The following SEMA3D variants were observed in gnomAD, a reference collection of about 807,000 sequenced individuals.
SEMA3D encodes the protein semaphorin 3D, also known as semaphorin-3D.
In SEMA3D, 84 loss-of-function variants were observed where a neutral mutation model predicts 100.1. That is an observed-to-expected ratio of 0.84 (90% confidence interval 0.70 to 1.01). The LOEUF (loss-of-function observed/expected upper bound fraction) is 1.01, where lower values mean the gene tolerates loss of function less well. Ranked by LOEUF, SEMA3D falls within the 50% of genes least tolerant of loss-of-function variation. The pLI is 0.00. For missense variants in SEMA3D, 875 were observed against 934.1 expected, an observed-to-expected ratio of 0.94 and a Z score of 0.82; for synonymous variants, 312 against 320.7, an observed-to-expected ratio of 0.97 and a Z score of 0.29.
At chr7:85,200,771 C>A in the SEMA3D span, among the ~76,000 whole-genome samples, 1 of 152,170 alleles carries the variant, frequency 6.6e-6, no homozygotes, top group African/African-American at 2.4e-5. Flanking sequence ...CCTCCCATCA[C>A]AGGCCAGGAG....
At chr7:85,067,878 A>G (rs1044751065) in intron 7 of SEMA3D, among the ~76,000 whole-genome samples, 1 of 152,180 alleles carries the variant, frequency 6.6e-6, no homozygotes, top group African/African-American at 2.4e-5. Flanking sequence ...GGGAGATATT[A>G]CAACATAAGA....
rs1790220808 is a variant in SEMA3D, at chr7:85,020,341, A to G, written c.1415-20T>C. The G allele has an allele frequency of 1.9e-6, 3 of 1,572,636 alleles. No homozygotes were observed. Among genetic ancestry groups the G allele is most frequent in the Middle Eastern group, 1.7e-4 (1 of 5,964 alleles). On this transcript the variant is annotated intron_variant, in intron 13 of 18. Transcript: ENST00000284136. ...CAATGTCTGAAAAAATGCATAACCCATGATCCCATTGTTTCTATCTCAAAA... is the reference window on the plus strand; with the variant it reads ...CAATGTCTGAAAAAATGCATAACCCGTGATCCCATTGTTTCTATCTCAAAA...
At chr7:85,021,731 A>G (rs551173349) in intron 13 of SEMA3D, among the ~76,000 whole-genome samples, 135 of 151,970 alleles carry the variant, frequency 8.9e-4, no homozygotes, top group African/African-American at 3.1e-3. Flanking sequence ...TTTTAATGAT[A>G]CATGTTATCT....
At position 84,999,556 on chromosome 7, in the gene SEMA3D, G is replaced by A. The variant is rs780714267; in HGVS notation, c.2218C>T (p.Arg740Trp). ...YCEQMWHREK[R>W]RQRNKGGPKW... Reference sequence around the variant, plus strand: ...GGGCCCCCCTTGTTTCTCTGTCTCCGCTTCTCCCTGTGCCACATCTGTTCG... The same window carrying A: ...GGGCCCCCCTTGTTTCTCTGTCTCCACTTCTCCCTGTGCCACATCTGTTCG... The change falls in exon 19 of 19, where the codon CGG becomes TGG. Residue 740 changes from arginine (R) to tryptophan (W), a missense_variant. Physicochemically the swap from Arg to Trp is moderately radical, Grantham distance 101. Transcript: ENST00000284136. The A allele has an allele frequency of 8.7e-6, 14 of 1,613,980 alleles. No individual in the cohort carries two copies. The highest frequency in any genetic ancestry group is 2.2e-5 in the South Asian group (2 of 91,076).
the SEMA3D span, among the ~76,000 whole-genome samples, chr7:85,234,681 T>C: frequency 6.6e-6 from 1 of 152,194 alleles, no homozygotes; most frequent in Non-Finnish European, 1.5e-5. Context: ...AGATATCCAG[T>C]GTAAAATTAG....
At chr7:85,169,050 A>G (rs900385273) in intron 1 of SEMA3D, among the ~76,000 whole-genome samples, 1 of 151,572 alleles carries the variant, frequency 6.6e-6, no homozygotes, top group African/African-American at 2.4e-5. Flanking sequence ...ATTAGATAAA[A>G]AATATTTTAT....
chr7:85,232,110 G>A, the SEMA3D span, among the ~76,000 whole-genome samples: 2 of 152,136 alleles, frequency 1.3e-5, no homozygotes, highest in Admixed American at 6.5e-5. Context: ...AGGCAGGAGT[G>A]TTGGCTACGA....
intron 1 of SEMA3D, chr7:85,181,685 C>T: frequency 1.8e-6 from 1 of 549,682 alleles, no homozygotes; most frequent in Non-Finnish European, 2.3e-6. Context: ...CCAAAGAGTA[C>T]AGCATGGAAA....
At chr7:85,130,744 C>T (rs1244436739) in intron 2 of SEMA3D, among the ~76,000 whole-genome samples, 3 of 152,072 alleles carry the variant, frequency 2.0e-5, no homozygotes, top group Admixed American at 6.6e-5. Context: ...ATTATTTGTA[C>T]CTTATATGAC....
At chr7:85,085,462 C>T (rs765587130) in intron 4 of SEMA3D, among the ~76,000 whole-genome samples, 6 of 152,140 alleles carry the variant, frequency 3.9e-5, no homozygotes, top group Non-Finnish European at 8.8e-5. Context: ...TGTGGAAGCA[C>T]TCTTTATATC....
the SEMA3D span, among the ~76,000 whole-genome samples, chr7:85,243,455 G>A: frequency 2.6e-5 from 4 of 152,116 alleles, no homozygotes; most frequent in African/African-American, 7.2e-5. Context: ...TCGTCTAGAG[G>A]TGTCCGTTTG....
intron 9 of SEMA3D, among the ~76,000 whole-genome samples, chr7:85,042,932 C>T (rs1298124799): frequency 6.6e-6 from 1 of 152,098 alleles, no homozygotes; most frequent in Non-Finnish European, 1.5e-5. Context: ...AATGCTGGTA[C>T]TGGCTTGTAT....
chr7:85,011,036 C>A (rs899392869), intron 17 of SEMA3D, among the ~76,000 whole-genome samples: 1 of 151,780 alleles, frequency 6.6e-6, no homozygotes. Flanking sequence ...AATATCATTT[C>A]TCTGAAAACA....
chr7:85,181,965 G>T (rs1203351764), intron 1 of SEMA3D: 1 of 154,088 alleles, frequency 6.5e-6, no homozygotes, highest in Non-Finnish European at 1.4e-5. Flanking sequence ...CTATGTATAG[G>T]TGTTTACCTA....
At chr7:85,113,812 TC>T (rs1353064336) in intron 3 of SEMA3D, among the ~76,000 whole-genome samples, 2 of 151,176 alleles carry the variant, frequency 1.3e-5, no homozygotes, top group Non-Finnish European at 3.0e-5. Flanking sequence ...AGGAAAGAAA[TC>T]CGTTAATATT....
At chr7:85,164,219 T>A (rs1385113025) in intron 1 of SEMA3D, among the ~76,000 whole-genome samples, 1 of 152,090 alleles carries the variant, frequency 6.6e-6, no homozygotes, top group Non-Finnish European at 1.5e-5. Context: ...CTTCACTGAA[T>A]AATAACTTGA....
chr7:85,036,884 C>T lies in SEMA3D; in HGVS notation c.1191+5G>A. ...AATAATTTGATTATTAAGTTGGATA[C>T]ATACTGTACCAGGCCGTGGATAAGG... On this transcript the variant is annotated splice_donor_5th_base_variant and intron_variant, in intron 12 of 18. Transcript: ENST00000284136. The T allele has an allele frequency of 6.2e-7, 1 of 1,604,654 alleles. No homozygotes were observed. Among genetic ancestry groups the T allele is most frequent in the Non-Finnish European group, 8.5e-7 (1 of 1,175,262 alleles).
At chr7:85,110,935 G>A (rs1789075724) in intron 3 of SEMA3D, among the ~76,000 whole-genome samples, 1 of 152,016 alleles carries the variant, frequency 6.6e-6, no homozygotes, top group Non-Finnish European at 1.5e-5. Flanking sequence ...TTTTATCAAA[G>A]TCAACAGTGA....
the SEMA3D span, among the ~76,000 whole-genome samples, chr7:85,235,135 G>C: frequency 1.3e-5 from 2 of 152,140 alleles, no homozygotes; most frequent in Admixed American, 6.5e-5. Context: ...AATAGTGTTG[G>C]TGTATGGTAT....
Sources: allele counts gnomAD v4.1 joint callset (sites outside exome capture counted in the v4.1 genomes callset), GRCh38; gene constraint gnomAD v4.1.1; transcripts MANE v1.5; gene names NCBI Gene and HGNC (gene_info 2026-07-23, HGNC 2026-07-21).